The following PLXNC1 variants were observed in gnomAD, a reference collection of about 807,000 sequenced individuals.
The protein encoded by PLXNC1 is plexin-C1.
A neutral mutation model predicts 178.2 loss-of-function variants in PLXNC1; 75 were observed. That is an observed-to-expected ratio of 0.42 (90% CI 0.35 to 0.51). The LOEUF (loss-of-function observed/expected upper bound fraction) is 0.51, where lower values mean the gene tolerates loss of function less well. Among genes scored for constraint, PLXNC1 ranks in the 20% least tolerant of loss-of-function variants. PLXNC1 has a pLI of 0.02. For missense variants in PLXNC1, 1,503 were observed against 1,984.4 expected (o/e 0.76, Z 4.61); for synonymous variants, 790 against 779.9 (o/e 1.01, Z -0.22).
chr12:94,150,361 G>T (rs1330403223), intron 1 of PLXNC1, among the ~76,000 whole-genome samples: 1 of 152,194 alleles, frequency 6.6e-6, no homozygotes, highest in South Asian at 2.1e-4. Flanking sequence ...GAGTCTCCTC[G>T]CGCAGCCCCT....
In PLXNC1 at chr12:94,254,875, A is replaced by G. The variant is rs539728567; in HGVS notation, c.2970A>G (p.Lys990=). Residue 990 remains lysine (K), a synonymous_variant, in exon 16 of 31, where the codon AAA becomes AAG. Transcript: ENST00000258526. ...AATTGCTGGAAAGCGAGCTCCGGAAAGAGATACGTGACGGTAGGCTCCAAA... is the reference window on the plus strand; with the variant it reads ...AATTGCTGGAAAGCGAGCTCCGGAAGGAGATACGTGACGGTAGGCTCCAAA... ...QLELLESELR[K]EIRDGFAELQ... 1 of 1,610,908 alleles carries G rather than the reference A, an allele frequency of 6.2e-7. No homozygotes were observed. The highest frequency in any genetic ancestry group is 2.2e-5 in the East Asian group (1 of 44,838).
intron 3 of PLXNC1, among the ~76,000 whole-genome samples, chr12:94,185,610 T>TG (rs1232037157): frequency 2.0e-5 from 3 of 152,154 alleles, no homozygotes; most frequent in Non-Finnish European, 4.4e-5. Context: ...GCTCTAGGGA[T>TG]GGGGAAATGA....
chr12:94,292,546 C>T (rs1031596379), intron 23 of PLXNC1, among the ~76,000 whole-genome samples: 2 of 152,120 alleles, frequency 1.3e-5, no homozygotes, highest in African/African-American at 4.8e-5. Context: ...TATCCCTTAT[C>T]CAAAATGCTT....
At chr12:94,183,350 C>T (rs1314096962) in intron 3 of PLXNC1, among the ~76,000 whole-genome samples, 1 of 152,172 alleles carries the variant, frequency 6.6e-6, no homozygotes, top group Non-Finnish European at 1.5e-5. Flanking sequence ...TAAACCAGTC[C>T]TTCACCATAT....
At chr12:94,190,773 A>C (rs1010029145) in intron 4 of PLXNC1, among the ~76,000 whole-genome samples, 22 of 152,058 alleles carry the variant, frequency 1.4e-4, no homozygotes, top group African/African-American at 5.3e-4. Context: ...TCCTTTGTTT[A>C]CTTAACCCCA....
intron 5 of PLXNC1, among the ~76,000 whole-genome samples, chr12:94,214,665 A>G (rs1352196676): frequency 1.3e-5 from 2 of 152,220 alleles, no homozygotes; most frequent in Non-Finnish European, 2.9e-5. Flanking sequence ...ACCTTACTAC[A>G]TGTTAAATAA....
At chr12:94,186,831 T>C (rs1291409337) in intron 4 of PLXNC1, 1 of 211,684 alleles carries the variant, frequency 4.7e-6, no homozygotes, top group African/African-American at 2.3e-5. Context: ...AATAGAGATG[T>C]CTGAAAATTT....
At chr12:94,212,722 C>CTTTTTTTTTTT (rs538048142) in intron 5 of PLXNC1, among the ~76,000 whole-genome samples, 8 of 136,158 alleles carry the variant, frequency 5.9e-5, no homozygotes, top group Non-Finnish European at 9.4e-5. Flanking sequence ...CTTTTCTTTT[C>CTTTTTTTTTTT]TTTTTTTTTT....
At chr12:94,163,359 AAAT>A (rs913568149) in intron 1 of PLXNC1, among the ~76,000 whole-genome samples, 1 of 152,162 alleles carries the variant, frequency 6.6e-6, no homozygotes, top group African/African-American at 2.4e-5. Context: ...CTCTGTCTCA[AAAT>A]AATAATAATA....
rs1321187257 is a variant in PLXNC1 at position 94,260,978 on chromosome 12, C to A, written c.3450+138C>A. 2 of 732,008 alleles carry A rather than the reference C, an allele frequency of 2.7e-6. No individual in the cohort carries two copies. Among genetic ancestry groups the A allele is most frequent in the African/African-American group, 3.6e-5 (2 of 56,088 alleles). The allele number at this position is 732,008 out of a possible 1,614,324, so 45.3% of individuals were successfully genotyped here. On this transcript the variant is annotated intron_variant, in intron 20 of 30. Coordinates refer to ENST00000258526, the MANE Select transcript of PLXNC1 (RefSeq NM_005761.3). This position sits in a 1 kb window ranked among gnomAD's most constrained non-coding sequence, Gnocchi z 4.4. ...TAACCATGTTTCGTCTTGGTCCTGA[C>A]CCAGAACAGAGAGAGGGAAAGTAAA...
At chr12:94,224,969 C>T (rs916536409) in intron 7 of PLXNC1, among the ~76,000 whole-genome samples, 3 of 152,102 alleles carry the variant, frequency 2.0e-5, no homozygotes, top group East Asian at 1.9e-4. Flanking sequence ...TTGGGCGGAA[C>T]GAGAAGCCTT....
rs61929078 is a variant in PLXNC1, at chr12:94,244,129, G to A, written c.2388+104G>A. ...TATTTTTTGTTTCTGTGACTTTGGT[G>A]TTATAAACTTTTACCTATGCTATCA... On this transcript the variant is annotated intron_variant, in intron 12 of 30. Transcript: ENST00000258526. 3,961 of 594,506 alleles carry A rather than the reference G, an allele frequency of 6.7e-3. 26 individuals carry two copies. Among genetic ancestry groups the A allele is most frequent in the Middle Eastern group, 0.013 (28 of 2,212 alleles). The allele number at this position is 594,506 out of a possible 1,614,324, so 36.8% of individuals were successfully genotyped here.
chr12:94,199,090 G>A (rs533074652), intron 4 of PLXNC1, among the ~76,000 whole-genome samples: 165 of 152,284 alleles, frequency 1.1e-3, no homozygotes, highest in African/African-American at 3.8e-3. Flanking sequence ...GGAGGCAGGG[G>A]GCGCTAAATT....
chr12:94,245,847 G>A lies in PLXNC1; in HGVS notation c.2388+1822G>A, dbSNP rs371986443. Among the ~76,000 whole-genome samples, 9 of 152,192 alleles carry A rather than the reference G, an allele frequency of 5.9e-5. No homozygotes were observed. The South Asian group carries it at 6.2e-4, about 10-fold the overall frequency. On this transcript the variant is annotated intron_variant, in intron 12 of 30. Transcript: ENST00000258526. ...CTGAGCTGGGGCCACAAAAAGCAGC[G>A]TCAGACTGAAAACTTTGCCCTTAAT...
At chr12:94,187,788 C>T (rs1451741973) in intron 4 of PLXNC1, among the ~76,000 whole-genome samples, 1 of 152,092 alleles carries the variant, frequency 6.6e-6, no homozygotes, top group African/African-American at 2.4e-5. Flanking sequence ...TTAACAAGCT[C>T]AGCTCTGGAG....
rs1380834418 is a variant in PLXNC1, at chr12:94,149,405, A to G, written c.434A>G (p.Asn145Ser). ...EVRPLGNLSRNSLRNGTEVVS... is the reference protein window; with the variant it reads ...EVRPLGNLSRSSLRNGTEVVS... ...CGGCCCCTGGGCAACCTGAGCCGCAACTCCCTGCGCAACGGCACCGAGGTG... is the reference window on the plus strand; with the variant it reads ...CGGCCCCTGGGCAACCTGAGCCGCAGCTCCCTGCGCAACGGCACCGAGGTG... Residue 145 changes from asparagine (N) to serine (S), a missense_variant, in exon 1 of 31, where the codon AAC (asparagine) becomes AGC (serine). This residue lies in a region of PLXNC1 where 73 missense variants were observed against 125.4 expected (regional missense o/e 0.58). Transcript: ENST00000258526. 1.4e-6 allele frequency: 2 copies of G among 1,432,586 alleles called. No homozygotes were observed. Among genetic ancestry groups the G allele is most frequent in the Admixed American group, 2.8e-5 (1 of 35,102 alleles). The allele number at this position is 1,432,586 out of a possible 1,614,324, so 88.7% of individuals were successfully genotyped here.
At chr12:94,183,842 T>G (rs1016961862) in intron 3 of PLXNC1, among the ~76,000 whole-genome samples, 8 of 152,216 alleles carry the variant, frequency 5.3e-5, no homozygotes, top group African/African-American at 1.9e-4. Flanking sequence ...CAAAGCTGGT[T>G]AGCCCTGCAT....
chr12:94,305,404 C>T lies in PLXNC1; in HGVS notation c.*119C>T, dbSNP rs1297296170. 16 of 639,448 alleles carry T rather than the reference C, an allele frequency of 2.5e-5. No homozygotes were observed. Among genetic ancestry groups the T allele is most frequent in the Non-Finnish European group, 3.9e-5 (14 of 358,854 alleles). The allele number at this position is 639,448 out of a possible 1,614,324, so 39.6% of individuals were successfully genotyped here. On this transcript the variant is annotated 3_prime_UTR_variant, in exon 31 of 31. Transcript: ENST00000258526. Reference sequence around the variant, plus strand: ...TTGCACATAGGTTCCACTTTGGGCACTGTCTTTTTAAGAGACCAAGGCACA... The same window carrying T: ...TTGCACATAGGTTCCACTTTGGGCATTGTCTTTTTAAGAGACCAAGGCACA...
chr12:94,185,357 A>C (rs1248749512), intron 3 of PLXNC1, among the ~76,000 whole-genome samples: 1 of 152,236 alleles, frequency 6.6e-6, no homozygotes, highest in Non-Finnish European at 1.5e-5. Flanking sequence ...TATTTCTCTA[A>C]CCTGCTAAAG....
Sources: allele counts gnomAD v4.1 joint callset (sites outside exome capture counted in the v4.1 genomes callset), GRCh38; gene constraint gnomAD v4.1.1; regional missense constraint gnomAD v4.1.1; non-coding constraint Gnocchi (gnomAD v3.1); transcripts MANE v1.5; gene names NCBI Gene and HGNC (gene_info 2026-07-23, HGNC 2026-07-21).